Variants in C12orf42 observed in about 807,000 individuals in gnomAD.
The protein encoded by C12orf42 is uncharacterized protein C12orf42.
A neutral mutation model predicts 21.6 loss-of-function variants in C12orf42; 25 were observed. That is an observed-to-expected ratio of 1.16 (90% CI 0.84 to 1.62). The LOEUF is 1.62. Among genes scored for constraint, C12orf42 ranks in the 40% most tolerant of loss-of-function variants. C12orf42 has a pLI of 0.00. For missense variants in C12orf42, 483 were observed against 459.3 expected (o/e 1.05, Z -0.47); for synonymous variants, 174 against 175.0 (o/e 0.99, Z 0.05).
At chr12:103,229,401 C>T in the C12orf42 span, among the ~76,000 whole-genome samples, 1 of 152,136 alleles carries the variant, frequency 6.6e-6, no homozygotes, top group Non-Finnish European at 1.5e-5. Context: ...GATTCAAAAA[C>T]ACAAAAGCAA....
chr12:103,180,615 C>CT, the C12orf42 span, among the ~76,000 whole-genome samples: 1,611 of 62,026 alleles, frequency 0.026, 213 homozygotes, highest in African/African-American at 0.087. Flanking sequence ...AAATAATTTC[C>CT]TTTTTTTTTT....
At chr12:103,421,177 G>A (rs960753396) in intron 2 of C12orf42, among the ~76,000 whole-genome samples, 5 of 151,990 alleles carry the variant, frequency 3.3e-5, no homozygotes, top group African/African-American at 1.2e-4. Flanking sequence ...AGAGGCCCAG[G>A]GGCTAATGAC....
At chr12:103,185,543 C>G in the C12orf42 span, among the ~76,000 whole-genome samples, 1 of 151,824 alleles carries the variant, frequency 6.6e-6, no homozygotes, top group South Asian at 2.1e-4. Flanking sequence ...CTGCCAGGCT[C>G]TTGGAAATCT....
chr12:103,384,972 G>A (rs1381758131), intron 3 of C12orf42, among the ~76,000 whole-genome samples: 1 of 152,146 alleles, frequency 6.6e-6, no homozygotes, highest in Non-Finnish European at 1.5e-5. Flanking sequence ...CTTCTCATCT[G>A]GGAAGCTAGA....
rs73387797 is a variant in C12orf42 at position 103,423,262 on chromosome 12, C to G, written c.79-21587G>C. 5.3e-3 allele frequency among the ~76,000 whole-genome samples: 812 copies of G among 152,294 alleles called. 3 individuals are homozygous for G. Among genetic ancestry groups the G allele is most frequent in the African/African-American group, 0.019 (774 of 41,552 alleles). On this transcript the variant is annotated intron_variant, in intron 2 of 5. Transcript: ENST00000548883. ...GTGTGACAATTTGTGGGCCCTCCCC[C>G]CCTTGGCCCCTGGTCTGGCCTGCCT...
the C12orf42 span, among the ~76,000 whole-genome samples, chr12:103,074,148 T>A: frequency 6.6e-6 from 1 of 152,066 alleles, no homozygotes; most frequent in Admixed American, 6.6e-5. Context: ...AACTGAATAA[T>A]GAGGAGTTGT....
chr12:103,340,563 C>A (rs1286779103), intron 4 of C12orf42, among the ~76,000 whole-genome samples: 1 of 152,072 alleles, frequency 6.6e-6, no homozygotes, highest in Non-Finnish European at 1.5e-5. Flanking sequence ...TATAAGAAGG[C>A]AAAAATATCC....
chr12:103,340,523 C>G (rs1290693813), intron 4 of C12orf42, among the ~76,000 whole-genome samples: 1 of 152,184 alleles, frequency 6.6e-6, no homozygotes, highest in African/African-American at 2.4e-5. Flanking sequence ...AGTAACTTAA[C>G]TGTATCACAG....
intron 4 of C12orf42, among the ~76,000 whole-genome samples, chr12:103,285,807 T>C (rs1210311872): frequency 1.3e-5 from 2 of 152,162 alleles, no homozygotes; most frequent in Non-Finnish European, 2.9e-5. Flanking sequence ...GACGCAAACA[T>C]TGAAGTAGAT....
At chr12:103,211,853 T>C in the C12orf42 span, among the ~76,000 whole-genome samples, 1 of 152,224 alleles carries the variant, frequency 6.6e-6, no homozygotes, top group Non-Finnish European at 1.5e-5. Context: ...ATATATATGT[T>C]GCAAATATTT....
At chr12:103,138,731 C>T in the C12orf42 span, among the ~76,000 whole-genome samples, 2 of 152,132 alleles carry the variant, frequency 1.3e-5, no homozygotes, top group African/African-American at 2.4e-5. Flanking sequence ...ACCCCTGGAG[C>T]CAATCAGACT....
intron 4 of C12orf42, among the ~76,000 whole-genome samples, chr12:103,366,272 T>C (rs1353506595): frequency 6.6e-6 from 1 of 152,090 alleles, no homozygotes; most frequent in Admixed American, 6.6e-5. Flanking sequence ...TGTAGAAGAA[T>C]GAAACTGGAT....
intron 3 of C12orf42, among the ~76,000 whole-genome samples, chr12:103,395,481 G>A (rs1319567749): frequency 3.3e-5 from 5 of 151,996 alleles, no homozygotes; most frequent in South Asian, 2.1e-4. Flanking sequence ...GACTACAGGC[G>A]CCCACCACCA....
chr12:103,225,883 C>A, the C12orf42 span, among the ~76,000 whole-genome samples: 7,790 of 152,128 alleles, frequency 0.051, 266 homozygotes, highest in African/African-American at 0.09. Context: ...GAGAGTTACC[C>A]GAAGCTCGGC....
chr12:103,505,931 C>T, the C12orf42 span: 1 of 166,484 alleles, frequency 6.0e-6, no homozygotes, highest in Non-Finnish European at 1.3e-5. Flanking sequence ...TCAGCTGGGC[C>T]ATCCCTGCTT....
At chr12:103,231,009 C>T in the C12orf42 span, among the ~76,000 whole-genome samples, 2 of 152,098 alleles carry the variant, frequency 1.3e-5, no homozygotes, top group South Asian at 2.1e-4. Flanking sequence ...AGTATAATTT[C>T]CAGTATATTT....
At chr12:103,248,404 A>C (rs1328940231) in intron 10 of C12orf42, among the ~76,000 whole-genome samples, 1 of 152,072 alleles carries the variant, frequency 6.6e-6, no homozygotes, top group African/African-American at 2.4e-5. Context: ...CTTAAACTCT[A>C]AAGCAGAGTG....
chr12:103,099,438 A>G, the C12orf42 span, among the ~76,000 whole-genome samples: 1 of 152,212 alleles, frequency 6.6e-6, no homozygotes, highest in Non-Finnish European at 1.5e-5. Flanking sequence ...TGGAGGAAAG[A>G]GGTATTTACA....
chr12:103,556,419 T>C, the C12orf42 span, among the ~76,000 whole-genome samples: 1 of 152,184 alleles, frequency 6.6e-6, no homozygotes, highest in Non-Finnish European at 1.5e-5. Context: ...AGGCAATAAC[T>C]CAAGAAACCA....
Sources: gnomAD v4.1 joint callset for allele counts (sites outside exome capture counted in the v4.1 genomes callset) on GRCh38, gnomAD v4.1.1 for gene constraint, MANE v1.5 for transcripts, NCBI Gene and HGNC (gene_info 2026-07-23, HGNC 2026-07-21) for gene names.